Variants in SCD5 observed in about 807,000 individuals in gnomAD.
SCD5 encodes acyl-CoA-desaturase 4.
A neutral mutation model predicts 30.4 loss-of-function variants in SCD5; 20 were observed. The ratio of observed to expected loss-of-function variants is 0.66; its 90% CI spans 0.46 to 0.96. The LOEUF (loss-of-function observed/expected upper bound fraction) is 0.96, where lower values mean the gene tolerates loss of function less well. Ranked by LOEUF, SCD5 falls within the 40% of genes least tolerant of loss-of-function variation. The pLI, the probability that SCD5 is intolerant of heterozygous loss-of-function variation, is 0.00. For missense variants in SCD5, 381 were observed against 443.3 expected, an observed-to-expected ratio of 0.86 and a Z score of 1.26; for synonymous variants, 173 against 176.4, an observed-to-expected ratio of 0.98 and a Z score of 0.16.
At chr4:82,705,812 A>T (rs1179984802) in intron 1 of SCD5, among the ~76,000 whole-genome samples, 3 of 152,228 alleles carry the variant, frequency 2.0e-5, no homozygotes, top group Non-Finnish European at 4.4e-5. Context: ...GGTGAGTGTT[A>T]TGTGAAGAGC....
At chr4:82,703,264 A>G (rs1578029009) in intron 2 of SCD5, among the ~76,000 whole-genome samples, 1 of 152,256 alleles carries the variant, frequency 6.6e-6, no homozygotes, top group South Asian at 2.1e-4. Context: ...TACATTTTAA[A>G]GCTGTTCATT....
chr4:82,677,656 T>C (rs1314428740), intron 3 of SCD5, among the ~76,000 whole-genome samples: 3 of 152,258 alleles, frequency 2.0e-5, no homozygotes, highest in Non-Finnish European at 4.4e-5. Context: ...CGGATCTCTA[T>C]GTTCTCTATG....
chr4:82,700,768 C>T (rs555780192), intron 2 of SCD5, among the ~76,000 whole-genome samples: 6 of 126,504 alleles, frequency 4.7e-5, no homozygotes, highest in South Asian at 5.3e-4. Context: ...GCCTGGGTGA[C>T]GGAGTGAGAC....
At chr4:82,661,847 C>T (rs1189528176) in intron 3 of SCD5, among the ~76,000 whole-genome samples, 1 of 152,190 alleles carries the variant, frequency 6.6e-6, no homozygotes, top group Non-Finnish European at 1.5e-5. Flanking sequence ...GAGAAATACG[C>T]AACACACCCC....
intron 1 of SCD5, among the ~76,000 whole-genome samples, chr4:82,753,881 T>C (rs17351899): frequency 0.07 from 10,681 of 152,110 alleles, 476 homozygotes; most frequent in Non-Finnish European, 0.11. Context: ...AAATGTCACA[T>C]CCGAGGCTGA....
At chr4:82,704,492 G>A (rs543847062) in intron 2 of SCD5, among the ~76,000 whole-genome samples, 37 of 152,180 alleles carry the variant, frequency 2.4e-4, no homozygotes, top group Non-Finnish European at 4.7e-4. Context: ...CAAGGAGGTG[G>A]GGAATGGTCT....
At chr4:82,648,896 C>T (rs566881055) in intron 3 of SCD5, among the ~76,000 whole-genome samples, 4 of 152,122 alleles carry the variant, frequency 2.6e-5, no homozygotes, top group Non-Finnish European at 5.9e-5. Flanking sequence ...GACATTGATT[C>T]GAAGATCTCT....
chr4:82,731,056 T>C (rs562290933), intron 1 of SCD5, among the ~76,000 whole-genome samples: 2 of 152,260 alleles, frequency 1.3e-5, no homozygotes, highest in South Asian at 4.1e-4. Flanking sequence ...TACCACCCCA[T>C]TATGATATTT....
intron 1 of SCD5, among the ~76,000 whole-genome samples, chr4:82,717,190 T>C (rs1048288101): frequency 1.3e-5 from 2 of 151,826 alleles, no homozygotes; most frequent in African/African-American, 4.9e-5. Context: ...ATTATTTTTA[T>C]TACTAGGCAG....
At chr4:82,762,742 A>G (rs1221199198) in intron 1 of SCD5, among the ~76,000 whole-genome samples, 1 of 152,256 alleles carries the variant, frequency 6.6e-6, no homozygotes, top group Non-Finnish European at 1.5e-5. Context: ...TGAAGAAACA[A>G]CATTGTTTAT....
At chr4:82,797,777 A>C (rs2148856315) in intron 1 of SCD5, among the ~76,000 whole-genome samples, 1 of 152,052 alleles carries the variant, frequency 6.6e-6, no homozygotes, top group Non-Finnish European at 1.5e-5. Flanking sequence ...TGGTGCGCGT[A>C]AACCAAGACT....
intron 1 of SCD5, among the ~76,000 whole-genome samples, chr4:82,751,650 C>T (rs1010833988): frequency 2.0e-5 from 3 of 151,776 alleles, no homozygotes; most frequent in African/African-American, 7.3e-5. Flanking sequence ...TTTTTTGAGA[C>T]GGAGTCTTGT....
At chr4:82,721,077 C>T (rs1299600886) in intron 1 of SCD5, among the ~76,000 whole-genome samples, 4 of 152,266 alleles carry the variant, frequency 2.6e-5, no homozygotes, top group Non-Finnish European at 5.9e-5. Context: ...AGGAGGATCT[C>T]TTGAGCCCAG....
In SCD5 at chr4:82,636,823, C is replaced by T. The variant is rs1011850309; in HGVS notation, c.570G>A (p.Lys190=). The change falls in exon 4 of 5, where the codon AAG becomes AAA. Residue 190 remains lysine, a splice_region_variant and synonymous_variant. Coordinates refer to ENST00000319540, the MANE Select transcript of SCD5 (RefSeq NM_001037582.3). ...TGAGCACCACGGAGATCTTATAGTACCTACAGGGCAAGACACCATATCACC... is the reference window on the plus strand; with the variant it reads ...TGAGCACCACGGAGATCTTATAGTATCTACAGGGCAAGACACCATATCACC... ...LADPVVRIQR[K]YYKISVVLMC... The T allele has an allele frequency of 1.2e-6, 2 of 1,607,624 alleles. No homozygotes were observed. The highest frequency in any genetic ancestry group is 1.7e-6 in the Non-Finnish European group (2 of 1,176,654).
intron 3 of SCD5, among the ~76,000 whole-genome samples, chr4:82,667,881 G>A (rs1728226018): frequency 6.6e-6 from 1 of 152,168 alleles, no homozygotes; most frequent in African/African-American, 2.4e-5. Context: ...AGAGACTTCA[G>A]GGCTCAAGCT....
intron 4 of SCD5, among the ~76,000 whole-genome samples, chr4:82,635,362 G>A (rs1377902671): frequency 6.6e-6 from 1 of 152,190 alleles, no homozygotes; most frequent in African/African-American, 2.4e-5. Context: ...GCTCACGCCT[G>A]TAATCCCAGC....
chr4:82,787,764 C>G (rs1408837847), intron 1 of SCD5, among the ~76,000 whole-genome samples: 1 of 152,184 alleles, frequency 6.6e-6, no homozygotes, highest in Non-Finnish European at 1.5e-5. Context: ...CTCAGTGACT[C>G]ATGCCTGTAA....
intron 3 of SCD5, among the ~76,000 whole-genome samples, chr4:82,667,284 A>ACACACACG (rs796646593): frequency 1.0e-3 from 154 of 150,606 alleles, no homozygotes; most frequent in Non-Finnish European, 1.8e-3. Context: ...ACACACACAC[A>ACACACACG]CACGCACGCA....
At chr4:82,769,024 ACTGT>A (rs1721555371) in intron 1 of SCD5, among the ~76,000 whole-genome samples, 1 of 151,722 alleles carries the variant, frequency 6.6e-6, no homozygotes. Flanking sequence ...AGAAAAGAGG[ACTGT>A]CTAACGGGGG....
Sources: gnomAD v4.1 joint callset for allele counts (sites outside exome capture counted in the v4.1 genomes callset) on GRCh38, gnomAD v4.1.1 for gene constraint, MANE v1.5 for transcripts, NCBI Gene and HGNC (gene_info 2026-07-23, HGNC 2026-07-21) for gene names.